The following TRAF5 variants were observed in gnomAD, a reference collection of about 807,000 sequenced individuals.
TRAF5 encodes the protein TNF receptor associated factor 5.
TRAF5 carries 48 observed loss-of-function variants against 64.5 expected under a neutral mutation model. That is an observed-to-expected ratio of 0.74 (90% CI 0.59 to 0.95). The LOEUF (loss-of-function observed/expected upper bound fraction) is 0.95, where lower values mean the gene tolerates loss of function less well. Ranked by LOEUF, TRAF5 falls within the 40% of genes least tolerant of loss-of-function variation. The pLI is 0.00. For synonymous variants in TRAF5, 206 were observed against 240.5 expected (o/e 0.86, Z 1.33); for missense variants, 545 against 662.8 (o/e 0.82, Z 1.95).
At chr1:211,344,678 G>A (rs1572063710) in intron 1 of TRAF5, among the ~76,000 whole-genome samples, 1 of 152,148 alleles carries the variant, frequency 6.6e-6, no homozygotes, top group Non-Finnish European at 1.5e-5. Flanking sequence ...TGGAAAAACT[G>A]TGAGACCATT....
chr1:211,336,050 GGAGA>G (rs1702281853), intron 1 of TRAF5, among the ~76,000 whole-genome samples: 1 of 152,130 alleles, frequency 6.6e-6, no homozygotes, highest in African/African-American at 2.4e-5. Flanking sequence ...GGTTTGTGGA[GGAGA>G]GAAAGGTTTA....
Position 211,371,530 on chromosome 1 carries a change from C to A in TRAF5, c.1099+60C>A. The A allele has an allele frequency of 2.0e-6, 3 of 1,517,910 alleles. No homozygotes were observed. The South Asian group carries it at 3.6e-5, about 18-fold the overall frequency. 94.0% of individuals were successfully genotyped at this position (1,517,910 alleles called of 1,614,324 possible). On this transcript the variant is annotated intron_variant, in intron 10 of 10. Coordinates refer to ENST00000261464, the MANE Select transcript of TRAF5 (RefSeq NM_001033910.3). ...CATTTGTCTGCATGTGTTCATGAAA[C>A]AACCAAACACCTGGCCAAATAGAGA... is the stretch of plus-strand genomic sequence containing the variant.
chr1:211,350,606 A>G (rs778886504), intron 1 of TRAF5, among the ~76,000 whole-genome samples: 2 of 152,212 alleles, frequency 1.3e-5, no homozygotes, highest in Non-Finnish European at 2.9e-5. Context: ...CATCCTGGCT[A>G]TAGTATGGAG....
At chr1:211,341,274 TGTG>T (rs923596703) in intron 1 of TRAF5, among the ~76,000 whole-genome samples, 2 of 149,748 alleles carry the variant, frequency 1.3e-5, no homozygotes, top group African/African-American at 4.9e-5. Flanking sequence ...CACCAAGAGG[TGTG>T]GTTCAGAGCT....
At position 211,371,292 on chromosome 1, in the gene TRAF5, G is replaced by C; in HGVS notation, c.931-10G>C. On this transcript the variant is annotated splice_polypyrimidine_tract_variant and intron_variant, in intron 9 of 10. Coordinates refer to ENST00000261464, the MANE Select transcript of TRAF5 (RefSeq NM_001033910.3). ...TTTTTTAAACATGATTATCCATTTT[G>C]TAATGAAAGGTTTTTGCCAGTCACA... 4 of 1,568,220 alleles carry C rather than the reference G, an allele frequency of 2.6e-6. No homozygotes were observed. Among genetic ancestry groups the C allele is most frequent in the Non-Finnish European group, 3.4e-6 (4 of 1,165,902 alleles).
rs1335621234 is a variant in TRAF5, at chr1:211,344,785, C to T, written c.-1-8454C>T. 2.6e-5 allele frequency among the ~76,000 whole-genome samples: 4 copies of T among 152,130 alleles called. No individual in the cohort carries two copies. In the East Asian group the frequency reaches 7.7e-4, roughly 29 times the overall value. On this transcript the variant is annotated intron_variant, in intron 1 of 10. Transcript: ENST00000261464. Reference sequence around the variant, plus strand: ...TTTTTAAGTTAAGGTCTTTCTCTGTCGCCCAGGGTGGAGTGCAGTGGCGTG... The same window carrying T: ...TTTTTAAGTTAAGGTCTTTCTCTGTTGCCCAGGGTGGAGTGCAGTGGCGTG...
chr1:211,338,957 A>C (rs1702375991), intron 1 of TRAF5, among the ~76,000 whole-genome samples: 2 of 152,206 alleles, frequency 1.3e-5, no homozygotes, highest in African/African-American at 4.8e-5. Flanking sequence ...GAACCCCAGC[A>C]GTCTGGCCCC....
intron 3 of TRAF5, among the ~76,000 whole-genome samples, chr1:211,355,384 G>A (rs896135302): frequency 2.6e-5 from 4 of 151,524 alleles, no homozygotes; most frequent in African/African-American, 9.7e-5. Flanking sequence ...TTTTGGTGTT[G>A]TATCTAAGAA....
At chr1:211,357,595 A>G (rs926330221) in intron 4 of TRAF5, 8 of 146,794 alleles carry the variant, frequency 5.4e-5, no homozygotes, top group African/African-American at 1.9e-4. Context: ...TTTCCCACCC[A>G]CCCACTTCTA....
intron 7 of TRAF5, among the ~76,000 whole-genome samples, chr1:211,361,673 C>G (rs916697633): frequency 1.3e-5 from 2 of 150,292 alleles, no homozygotes; most frequent in African/African-American, 4.9e-5. Flanking sequence ...TAAAATTAAC[C>G]ATCACAATAA....
intron 1 of TRAF5, among the ~76,000 whole-genome samples, chr1:211,328,558 A>C (rs1702078538): frequency 6.6e-6 from 1 of 152,204 alleles, no homozygotes; most frequent in Non-Finnish European, 1.5e-5. Context: ...CGATGGAAAG[A>C]GTGTGGAAAA....
At chr1:211,361,283 C>G (rs1290467757) in intron 7 of TRAF5, 121 bp downstream of exon 7, 1 of 850,004 alleles carries the variant, frequency 1.2e-6, no homozygotes, top group Non-Finnish European at 1.9e-6. Flanking sequence ...AAATTTAAGG[C>G]TAATTATTTT....
At chr1:211,342,607 C>G (rs1478083683) in intron 1 of TRAF5, among the ~76,000 whole-genome samples, 1 of 152,104 alleles carries the variant, frequency 6.6e-6, no homozygotes, top group Non-Finnish European at 1.5e-5. Flanking sequence ...TATTTTTGTA[C>G]TCATTAATCA....
chr1:211,345,197 A>G (rs982959620), intron 1 of TRAF5, among the ~76,000 whole-genome samples: 1 of 152,126 alleles, frequency 6.6e-6, no homozygotes, highest in Non-Finnish European at 1.5e-5. Flanking sequence ...GATTACAAGC[A>G]TGAGCCACTG....
At chr1:211,330,592 G>C (rs1438712238) in intron 1 of TRAF5, among the ~76,000 whole-genome samples, 2 of 152,070 alleles carry the variant, frequency 1.3e-5, no homozygotes, top group Non-Finnish European at 2.9e-5. Context: ...TCACTGACAA[G>C]CTTCTGTAAA....
In TRAF5 at chr1:211,365,463, GA is replaced by G. The variant is rs750101851; in HGVS notation, c.786del (p.Glu262AspfsTer10). The G allele has an allele frequency of 4.1e-5, 66 of 1,611,996 alleles. 1 individual carries two copies. Among genetic ancestry groups the G allele is most frequent in the Middle Eastern group, 3.3e-4 (2 of 6,078 alleles). Reference sequence around the variant, plus strand: ...TTTAGAAAAGAATGTCCAATTAGAAGAACAGGTAAATCTTCAAAGGTTCAAA... The same window carrying G: ...TTTAGAAAAGAATGTCCAATTAGAAGACAGGTAAATCTTCAAAGGTTCAAA... Reference protein sequence around the residue: ...LVLEKNVQLEEQISDLHKSLE... With the variant: ...LVLEKNVQLEXQISDLHKSLE... On this transcript the variant is annotated frameshift_variant, in exon 8 of 11. Coordinates refer to ENST00000261464, the MANE Select transcript of TRAF5 (RefSeq NM_001033910.3). LOFTEE classifies it high-confidence loss of function.
chr1:211,346,951 CTTTCTTTTG>C (rs1474592933), intron 1 of TRAF5, among the ~76,000 whole-genome samples: 4 of 152,214 alleles, frequency 2.6e-5, no homozygotes, highest in African/African-American at 9.6e-5. Flanking sequence ...TGGGATGTGA[CTTTCTTTTG>C]TCTCTTTTGG....
In TRAF5 at chr1:211,354,440, A is replaced by AT. The variant is rs758763470; in HGVS notation, c.249_250insT (p.Asp84Ter). ...TAAACACAGTGCCAATCTGCCCTGT[A>AT]GATAAAGAGGTCATCAAATCTCAGG... On this transcript the variant is annotated frameshift_variant, in exon 3 of 11. Coordinates refer to ENST00000261464, the MANE Select transcript of TRAF5 (RefSeq NM_001033910.3). LOFTEE classifies it high-confidence loss of function. The AT allele has an allele frequency of 1.2e-6, 2 of 1,614,170 alleles. No individual in the cohort carries two copies. Among genetic ancestry groups the AT allele is most frequent in the Non-Finnish European group, 1.7e-6 (2 of 1,180,014 alleles).
chr1:211,343,671 T>TG (rs1702508971), intron 1 of TRAF5, among the ~76,000 whole-genome samples: 1 of 152,164 alleles, frequency 6.6e-6, no homozygotes, highest in African/African-American at 2.4e-5. Context: ...AACCCATATC[T>TG]GACTCCAGCC....
Sources: allele counts gnomAD v4.1 joint callset (sites outside exome capture counted in the v4.1 genomes callset), GRCh38; gene constraint gnomAD v4.1.1; transcripts MANE v1.5; gene names NCBI Gene and HGNC (gene_info 2026-07-23, HGNC 2026-07-21).